The following HPSE2 variants were observed in gnomAD, a reference collection of about 807,000 sequenced individuals.
HPSE2 encodes inactive heparanase-2.
In HPSE2, 38 loss-of-function variants were observed where a neutral mutation model predicts 60.5. That is an observed-to-expected ratio of 0.63 (90% confidence interval 0.48 to 0.82). The LOEUF (loss-of-function observed/expected upper bound fraction) is 0.82. Ranked by LOEUF, HPSE2 falls within the 40% of genes least tolerant of loss-of-function variation. HPSE2 has a pLI of 0.00. For missense variants in HPSE2, 713 were observed against 740.4 expected (o/e 0.96, Z 0.43); for synonymous variants, 295 against 293.2 (o/e 1.01, Z -0.06).
intron 3 of HPSE2, among the ~76,000 whole-genome samples, chr10:98,948,468 C>T (rs762579054): frequency 2.0e-5 from 3 of 152,082 alleles, no homozygotes; most frequent in African/African-American, 7.2e-5. Flanking sequence ...TGCCAGAAAA[C>T]GAATTGACAT....
Position 99,126,925 on chromosome 10 carries a change from G to T in HPSE2, c.610+17313C>A, listed in dbSNP as rs552573773. The stretch of plus-strand genomic sequence containing the variant: ...ATCATTGCAGTCTGGCTCCCAGAAA[G>T]CCCCATCCCTAGGGGAAGGGGAAGA... On this transcript the variant is annotated intron_variant, in intron 3 of 11. Coordinates refer to ENST00000370552, the MANE Select transcript of HPSE2 (RefSeq NM_021828.5). This position sits in a 1 kb window ranked among gnomAD's most constrained non-coding sequence, Gnocchi z 4.0. Among the ~76,000 whole-genome samples, 1 of 152,240 alleles carries T rather than the reference G, an allele frequency of 6.6e-6. No homozygotes were observed. Among genetic ancestry groups the T allele is most frequent in the African/African-American group, 2.4e-5 (1 of 41,552 alleles).
intron 3 of HPSE2, among the ~76,000 whole-genome samples, chr10:98,943,243 A>G (rs1469689983): frequency 6.6e-6 from 1 of 151,626 alleles, no homozygotes; most frequent in East Asian, 1.9e-4. Flanking sequence ...ATAATACAAT[A>G]AAAAATTATA....
intron 3 of HPSE2, among the ~76,000 whole-genome samples, chr10:98,950,139 C>T (rs1955311138): frequency 6.6e-6 from 1 of 152,114 alleles, no homozygotes; most frequent in African/African-American, 2.4e-5. Context: ...AGCGTGGTAG[C>T]TTGCTTCATC....
At chr10:98,726,764 T>A (rs747066536) in intron 4 of HPSE2, among the ~76,000 whole-genome samples, 5 of 151,798 alleles carry the variant, frequency 3.3e-5, no homozygotes, top group Admixed American at 6.6e-5. Flanking sequence ...TAAATATGCT[T>A]AGGAGGGACT....
chr10:98,499,362 A>G (rs983437446), intron 9 of HPSE2, among the ~76,000 whole-genome samples: 3 of 152,204 alleles, frequency 2.0e-5, no homozygotes, highest in Non-Finnish European at 4.4e-5. Flanking sequence ...CTCCTGAAAC[A>G]AAACAATTAT....
chr10:98,600,058 C>A (rs1440351873), intron 9 of HPSE2, among the ~76,000 whole-genome samples: 2 of 152,104 alleles, frequency 1.3e-5, no homozygotes, highest in Non-Finnish European at 2.9e-5. Context: ...ACATTTGCAC[C>A]AGTGATTTTC....
At chr10:99,131,470 G>A (rs1249312949) in intron 3 of HPSE2, among the ~76,000 whole-genome samples, 1 of 151,878 alleles carries the variant, frequency 6.6e-6, no homozygotes, top group African/African-American at 2.4e-5. Flanking sequence ...TAAAGAAAAT[G>A]TGATATATAT....
rs533863063 is a variant in HPSE2, at chr10:98,683,737, A to G, written c.1004+10163T>C. ...TAAAAATTTCAGAAGGAATGCACAA[A>G]AAAGGAAAGAATGACATTATCAAAG... On this transcript the variant is annotated intron_variant, in intron 6 of 11. Coordinates refer to ENST00000370552, the MANE Select transcript of HPSE2 (RefSeq NM_021828.5). Among the ~76,000 whole-genome samples, 4 of 152,226 alleles carry G rather than the reference A, an allele frequency of 2.6e-5. No homozygotes were observed. In the South Asian group the frequency reaches 6.2e-4, roughly 24 times the overall value.
At chr10:99,079,639 C>T (rs1001830306) in intron 3 of HPSE2, among the ~76,000 whole-genome samples, 2 of 152,096 alleles carry the variant, frequency 1.3e-5, no homozygotes, top group South Asian at 4.1e-4. Context: ...CTGTCAGCAT[C>T]CCATAACAGG....
the HPSE2 span, among the ~76,000 whole-genome samples, chr10:99,262,438 C>A: frequency 6.6e-6 from 1 of 152,122 alleles, no homozygotes; most frequent in East Asian, 1.9e-4. Flanking sequence ...CAGTTCAAAG[C>A]CTCCTTTGCA....
At chr10:99,291,221 C>T in the HPSE2 span, among the ~76,000 whole-genome samples, 16,095 of 152,106 alleles carry the variant, frequency 0.11, 908 homozygotes, top group South Asian at 0.19. Flanking sequence ...AATGGAGGTC[C>T]CATCCTGAAT....
At position 98,646,322 on chromosome 10, in the gene HPSE2, CTTT is replaced by C. The variant is rs5787294; in HGVS notation, c.1005-4385_1005-4383del. On this transcript the variant is annotated intron_variant, in intron 6 of 11. Transcript: ENST00000370552. ...ATGGTGATTTCTTTTTTTCTTTTTT[CTTT>C]TTTTTTTTTTAAAAAAACCCTGGCT... is the stretch of plus-strand genomic sequence containing the variant. Among the ~76,000 whole-genome samples the C allele has an allele frequency of 2.1e-5, 3 of 145,004 alleles. No individual in the cohort carries two copies. The South Asian group carries it at 6.6e-4, about 32-fold the overall frequency.
At chr10:98,568,901 C>T (rs1338715973) in intron 9 of HPSE2, among the ~76,000 whole-genome samples, 2 of 50,342 alleles carry the variant, frequency 4.0e-5, no homozygotes, top group South Asian at 1.4e-3. Context: ...CTACTGCTAA[C>T]GGGTTTGGGG....
rs1001502364 is a variant in HPSE2 at position 98,605,696 on chromosome 10, T to C, written c.1320+9208A>G. Reference sequence around the variant, plus strand: ...GGCAATAAACAGGAAGCAATGAAGTTTGCCAAGTGCTGGTGGCAAGGGCAG... The same window carrying C: ...GGCAATAAACAGGAAGCAATGAAGTCTGCCAAGTGCTGGTGGCAAGGGCAG... On this transcript the variant is annotated intron_variant, in intron 9 of 11. Coordinates refer to ENST00000370552, the MANE Select transcript of HPSE2 (RefSeq NM_021828.5). 2.6e-5 allele frequency among the ~76,000 whole-genome samples: 4 copies of C among 152,148 alleles called. No homozygotes were observed. The East Asian group carries it at 7.7e-4, about 29-fold the overall frequency.
intron 3 of HPSE2, among the ~76,000 whole-genome samples, chr10:98,803,147 T>C (rs7475889): frequency 0.86 from 129,569 of 151,038 alleles, 55,954 homozygotes; most frequent in African/African-American, 0.95. Context: ...TCATGTCCTT[T>C]GCCCACTTTT....
At chr10:98,649,771 G>A (rs1396415445) in intron 6 of HPSE2, among the ~76,000 whole-genome samples, 1 of 152,092 alleles carries the variant, frequency 6.6e-6, no homozygotes. Flanking sequence ...AAAGAAAAAG[G>A]GGCTCCATGG....
intron 6 of HPSE2, 29 bp from the exon 7 acceptor site, chr10:98,641,969 T>C (rs759365058): frequency 6.4e-7 from 1 of 1,570,784 alleles, no homozygotes; most frequent in Non-Finnish European, 8.8e-7. Context: ...AAGAATCAGA[T>C]AAAATCTCAA....
the HPSE2 span, among the ~76,000 whole-genome samples, chr10:99,295,889 T>C: frequency 6.6e-6 from 1 of 152,196 alleles, no homozygotes; most frequent in South Asian, 2.1e-4. Flanking sequence ...AATTTGGTAT[T>C]ATTTCTCAGT....
At chr10:99,245,596 AT>A in the HPSE2 span, among the ~76,000 whole-genome samples, 3 of 152,244 alleles carry the variant, frequency 2.0e-5, no homozygotes, top group East Asian at 3.8e-4. Context: ...TTTTCACTTT[AT>A]ACCATCTGAT....
Sources: allele counts gnomAD v4.1 joint callset (sites outside exome capture counted in the v4.1 genomes callset), GRCh38; gene constraint gnomAD v4.1.1; non-coding constraint Gnocchi (gnomAD v3.1); transcripts MANE v1.5; gene names NCBI Gene and HGNC (gene_info 2026-07-23, HGNC 2026-07-21).